The following ABHD3 variants were observed in gnomAD, a reference collection of about 807,000 sequenced individuals.
ABHD3 encodes abhydrolase domain containing 3, phospholipase.
ABHD3 carries 46 observed loss-of-function variants against 48.8 expected under a neutral mutation model. That is an observed-to-expected ratio of 0.94 (90% CI 0.74 to 1.20). ABHD3 has a LOEUF of 1.20. Ranked by LOEUF, ABHD3 falls within the 50% of genes most tolerant of loss-of-function variation. ABHD3 has a pLI of 0.00. For missense variants in ABHD3, 490 were observed against 497.8 expected, an observed-to-expected ratio of 0.98 and a Z score of 0.15; for synonymous variants, 192 against 183.7, an observed-to-expected ratio of 1.04 and a Z score of -0.36.
At chr18:21,695,610 C>T (rs1459596859) in intron 3 of ABHD3, among the ~76,000 whole-genome samples, 3 of 143,978 alleles carry the variant, frequency 2.1e-5, no homozygotes, top group African/African-American at 7.8e-5. Context: ...CTTTTAATGG[C>T]ATTAAATTTG....
chr18:21,668,997 C>A (rs2039698439), intron 4 of ABHD3, among the ~76,000 whole-genome samples: 1 of 151,946 alleles, frequency 6.6e-6, no homozygotes. Context: ...CTGAGGTGGG[C>A]CAATCGCTTG....
At chr18:21,656,110 C>G (rs766239839) in intron 8 of ABHD3, among the ~76,000 whole-genome samples, 1 of 152,128 alleles carries the variant, frequency 6.6e-6, no homozygotes, top group Admixed American at 6.5e-5. Context: ...GAGCCGAGAT[C>G]GTGCCTTTGC....
intron 3 of ABHD3, among the ~76,000 whole-genome samples, chr18:21,686,084 T>C (rs2040123360): frequency 1.3e-5 from 2 of 152,194 alleles, no homozygotes; most frequent in South Asian, 2.1e-4. Flanking sequence ...GCTCAAGTGA[T>C]CCTCCTGCCT....
chr18:21,667,404 C>T (rs1390033023), intron 4 of ABHD3, among the ~76,000 whole-genome samples: 3 of 151,990 alleles, frequency 2.0e-5, no homozygotes, highest in African/African-American at 7.3e-5. Flanking sequence ...ACCACTATGC[C>T]TGGCTAATTT....
chr18:21,703,218 A>ACCCCC (rs745583701), intron 2 of ABHD3, among the ~76,000 whole-genome samples: 1 of 63,100 alleles, frequency 1.6e-5, no homozygotes, highest in Non-Finnish European at 3.2e-5. Context: ...TTCTCACCCC[A>ACCCCC]CCCCCCCCCC....
At chr18:21,671,597 G>C (rs1230477076) in intron 4 of ABHD3, among the ~76,000 whole-genome samples, 1 of 152,098 alleles carries the variant, frequency 6.6e-6, no homozygotes, top group Non-Finnish European at 1.5e-5. Context: ...AGACCTGGGA[G>C]GATTCTGCTG....
chr18:21,675,262 GTTTT>G (rs61119109), intron 4 of ABHD3, among the ~76,000 whole-genome samples: 5 of 85,490 alleles, frequency 5.8e-5, no homozygotes, highest in East Asian at 7.7e-4. Context: ...AATGAGGTGG[GTTTT>G]TTTTTTTTTT....
At chr18:21,652,432 AAAAGAG>A (rs1021416589) in intron 8 of ABHD3, among the ~76,000 whole-genome samples, 2 of 152,054 alleles carry the variant, frequency 1.3e-5, no homozygotes, top group African/African-American at 4.8e-5. Context: ...AAGAAAAAGA[AAAAGAG>A]AAAGAACGAG....
intron 3 of ABHD3, among the ~76,000 whole-genome samples, chr18:21,698,105 A>G (rs1488704856): frequency 6.6e-6 from 1 of 152,140 alleles, no homozygotes; most frequent in Non-Finnish European, 1.5e-5. Context: ...GGTAACATCT[A>G]TATACTCCCA....
At chr18:21,676,640 C>T (rs1730160491) in intron 4 of ABHD3, among the ~76,000 whole-genome samples, 1 of 152,252 alleles carries the variant, frequency 6.6e-6, no homozygotes, top group Admixed American at 6.5e-5. Flanking sequence ...ATCCACCCGC[C>T]TTGGCCTCCC....
At chr18:21,664,530 G>A (rs1437955789) in intron 4 of ABHD3, 3 of 227,064 alleles carry the variant, frequency 1.3e-5, no homozygotes, top group Non-Finnish European at 2.5e-5. Context: ...ATACTCAAAC[G>A]TGTCTCCAAC....
chr18:21,702,605 TC>T, intron 2 of ABHD3, 107 bp from the exon 3 acceptor site: 1 of 1,051,944 alleles, frequency 9.5e-7, no homozygotes, highest in Non-Finnish European at 1.3e-6. Context: ...ATAACATTTT[TC>T]CAGCATTCAC....
At chr18:21,680,852 ATGTGTGTGTGTGTGTG>A (rs537497306) in intron 4 of ABHD3, among the ~76,000 whole-genome samples, 1 of 108,484 alleles carries the variant, frequency 9.2e-6, no homozygotes, top group Non-Finnish European at 1.7e-5. Context: ...TCTTTTTCAA[ATGTGTGTGTGTGTGTG>A]TGTGTGTGTG....
In ABHD3 at chr18:21,656,953, T is replaced by C. The variant is rs1377985673; in HGVS notation, c.965A>G (p.Tyr322Cys). The C allele has an allele frequency of 1.2e-6, 2 of 1,613,956 alleles. No homozygotes were observed. The highest frequency in any genetic ancestry group is 2.2e-5 in the East Asian group (1 of 44,868). The change falls in exon 8 of 9, where the codon TAT becomes TGT. Residue 322 changes from tyrosine (Y) to cysteine (C), a missense_variant. Transcript: ENST00000289119. ...MFGYQTIDDY[Y>C]TDASPSPRLK... The stretch of plus-strand genomic sequence containing the variant: ...TCTAGGACTCGGACTGGCATCAGTA[T>C]AATAATCATCAATTGTTTGGTATCC...
chr18:21,663,463 CA>C (rs1242372311), intron 5 of ABHD3, among the ~76,000 whole-genome samples: 55 of 141,276 alleles, frequency 3.9e-4, no homozygotes, highest in Non-Finnish European at 4.0e-4. Context: ...CTAGAACAAC[CA>C]AAAAAAAAAA....
At chr18:21,693,625 C>A (rs1455624353) in intron 3 of ABHD3, among the ~76,000 whole-genome samples, 1 of 152,176 alleles carries the variant, frequency 6.6e-6, no homozygotes, top group African/African-American at 2.4e-5. Flanking sequence ...GAGAATGGGA[C>A]CACTTGTCAG....
rs1209793388 is a variant in ABHD3, at chr18:21,651,632, ATTGC to A, written c.1185_1188del (p.Lys395AsnfsTer17). ...CCATGCTCAACCATGGCTTGCACAA[ATTGC>A]TTGAAGACACGATCCATGTAAGTGG... is the stretch of plus-strand genomic sequence containing the variant. On this transcript the variant is annotated frameshift_variant, in exon 9 of 9. Transcript: ENST00000289119. LOFTEE classifies it high-confidence loss of function. The A allele has an allele frequency of 6.2e-7, 1 of 1,614,014 alleles. No homozygotes were observed. Among genetic ancestry groups the A allele is most frequent in the African/African-American group, 1.3e-5 (1 of 74,916 alleles).
chr18:21,702,217 A>G (rs2146341763), intron 3 of ABHD3, 99 bp downstream of exon 3: 2 of 1,085,488 alleles, frequency 1.8e-6, no homozygotes. Context: ...CTGCTTTTCT[A>G]TGCAAGAAGT....
At chr18:21,692,109 T>C (rs1345933515) in intron 3 of ABHD3, among the ~76,000 whole-genome samples, 1 of 152,012 alleles carries the variant, frequency 6.6e-6, no homozygotes, top group African/African-American at 2.4e-5. Context: ...ACCACCACAC[T>C]CGGCTAATTT....
Sources: allele counts gnomAD v4.1 joint callset (sites outside exome capture counted in the v4.1 genomes callset), GRCh38; gene constraint gnomAD v4.1.1; transcripts MANE v1.5; gene names NCBI Gene and HGNC (gene_info 2026-07-23, HGNC 2026-07-21).